BBS12: variants seen among roughly 807,000 people sequenced by gnomAD.
The protein encoded by BBS12 is chaperonin-containing T-complex member BBS12.
In BBS12, 5 loss-of-function variants were observed where a neutral mutation model predicts 5.6. The observed-to-expected ratio is 0.89, with a 90% CI of 0.46 to 1.86. The LOEUF (loss-of-function observed/expected upper bound fraction) is 1.86. Ranked by LOEUF, BBS12 falls within the 40% of genes most tolerant of loss-of-function variation. The pLI, the probability that BBS12 is intolerant of heterozygous loss-of-function variation, is 0.01. For synonymous variants in BBS12, 308 were observed against 306.8 expected (o/e 1.00, Z -0.04); for missense variants, 748 against 830.4 (o/e 0.90, Z 1.22).
the BBS12 span, among the ~76,000 whole-genome samples, chr4:122,702,932 A>G: frequency 5.3e-5 from 8 of 152,262 alleles, no homozygotes; most frequent in African/African-American, 1.9e-4. Flanking sequence ...TAGGAGAATT[A>G]GAATGTTTTA....
At position 122,742,337 on chromosome 4, in the gene BBS12, C is replaced by T. The variant is rs1194574169; in HGVS notation, c.445C>T (p.Gln149Ter). Residue 149 changes from glutamine to a stop codon, truncating the protein, a stop_gained, in exon 2 of 2, where the codon CAA becomes TAA. Coordinates refer to ENST00000314218, the MANE Select transcript of BBS12 (RefSeq NM_152618.3). LOFTEE classifies it low-confidence loss of function (END_TRUNC). Reference sequence around the variant, plus strand: ...TATGGACAGCACAAAAACATTTTCTCAACTTGAAACATTTAGTGTAAGTTT... The same window carrying T: ...TATGGACAGCACAAAAACATTTTCTTAACTTGAAACATTTAGTGTAAGTTT... ...DCMDSTKTFSQLETFSVSLCP... is the reference protein window; with the variant it reads ...DCMDSTKTFS The T allele has an allele frequency of 5.0e-6, 8 of 1,613,990 alleles. No homozygotes were observed. The highest frequency in any genetic ancestry group is 1.3e-5 in the African/African-American group (1 of 74,932).
the BBS12 span, among the ~76,000 whole-genome samples, chr4:122,704,152 G>A: frequency 6.6e-6 from 1 of 152,200 alleles, no homozygotes; most frequent in Non-Finnish European, 1.5e-5. Context: ...GCCTGGCCAG[G>A]TCTTGAATCT....
chr4:122,742,831 A>G lies in BBS12; in HGVS notation c.939A>G (p.Ser313=). The stretch of plus-strand genomic sequence containing the variant: ...CAAAACCATTTATGTTTGACATTTC[A>G]AGAATTTTCACTTGCTGTCTACCAG... The part of the protein sequence containing the change: ...NCTKPFMFDI[S]RIFTCCLPGL... The change falls in exon 2 of 2, where the codon TCA becomes TCG. Residue 313 remains serine, a synonymous_variant. Coordinates refer to ENST00000314218, the MANE Select transcript of BBS12 (RefSeq NM_152618.3). The G allele has an allele frequency of 6.2e-7, 1 of 1,614,212 alleles. No homozygotes were observed. The highest frequency in any genetic ancestry group is 1.6e-4 in the Middle Eastern group (1 of 6,062).
chr4:122,740,892 A>G (rs924541403), intron 1 of BBS12, among the ~76,000 whole-genome samples: 3 of 152,210 alleles, frequency 2.0e-5, no homozygotes, highest in African/African-American at 7.2e-5. Flanking sequence ...TTCTATTATT[A>G]TCCCTGTTTT....
chr4:122,709,238 G>A, the BBS12 span, among the ~76,000 whole-genome samples: 13,601 of 152,124 alleles, frequency 0.089, 1,629 homozygotes, highest in African/African-American at 0.27. Flanking sequence ...TTGCCTAACT[G>A]CTTACAGGGT....
chr4:122,735,133 G>A (rs886402270), intron 1 of BBS12, among the ~76,000 whole-genome samples: 23 of 152,186 alleles, frequency 1.5e-4, no homozygotes, highest in African/African-American at 5.3e-4. Context: ...TAGAAAGTGC[G>A]TTGGGAGCAC....
the BBS12 span, among the ~76,000 whole-genome samples, chr4:122,716,713 A>ACGCG: frequency 0.043 from 5,252 of 121,448 alleles, 797 homozygotes; most frequent in Non-Finnish European, 0.053. Context: ...ATACATACAC[A>ACGCG]TATGTGTGTA....
chr4:122,701,845 C>T, the BBS12 span, among the ~76,000 whole-genome samples: 2 of 152,182 alleles, frequency 1.3e-5, no homozygotes, highest in African/African-American at 2.4e-5. Flanking sequence ...AGTACCTCCA[C>T]ATTTTAAAAT....
upstream of BBS12, chr4:122,731,044 T>C (rs1800690394): frequency 6.6e-6 from 1 of 152,230 alleles, no homozygotes; most frequent in African/African-American, 2.4e-5. Context: ...AAAGCAGCAA[T>C]GTGCCAAGTA....
the BBS12 span, among the ~76,000 whole-genome samples, chr4:122,716,703 A>G: frequency 1.8e-5 from 1 of 55,578 alleles, no homozygotes; most frequent in Non-Finnish European, 3.2e-5. Flanking sequence ...ATGTGTGTGT[A>G]TACATACACA....
chr4:122,707,968 CCTTCCTTT>C, the BBS12 span, among the ~76,000 whole-genome samples: 598 of 149,652 alleles, frequency 4.0e-3, 2 homozygotes, highest in African/African-American at 0.013. Flanking sequence ...TTCCTTCCTT[CCTTCCTTT>C]CTTTCTTTCT....
chr4:122,700,446 C>T, the BBS12 span, among the ~76,000 whole-genome samples: 1 of 152,224 alleles, frequency 6.6e-6, no homozygotes, highest in Non-Finnish European at 1.5e-5. Context: ...TTCAGAGTCC[C>T]TTTCCTGCGT....
chr4:122,714,144 A>G, the BBS12 span, among the ~76,000 whole-genome samples: 2 of 152,080 alleles, frequency 1.3e-5, no homozygotes, highest in Admixed American at 6.6e-5. Flanking sequence ...ATTCAATAGC[A>G]CTGTGTCTTT....
the BBS12 span, among the ~76,000 whole-genome samples, chr4:122,701,549 T>G: frequency 6.6e-6 from 1 of 152,154 alleles, no homozygotes; most frequent in Non-Finnish European, 1.5e-5. Flanking sequence ...ACATGGAGGA[T>G]GAGGTGGTGA....
At chr4:122,732,474 C>T (rs1213116966), upstream of BBS12, 1 of 152,490 alleles carries the variant, frequency 6.6e-6, no homozygotes, top group Non-Finnish European at 1.5e-5. Context: ...CGTCACCTCC[C>T]GCAGCCCCGC....
chr4:122,717,579 G>A, the BBS12 span, among the ~76,000 whole-genome samples: 2 of 152,146 alleles, frequency 1.3e-5, no homozygotes, highest in Admixed American at 1.3e-4. Context: ...GCCCAGGCTG[G>A]AGCGCAGTGG....
rs778171614 is a variant in BBS12, at chr4:122,742,103, A to T, written c.211A>T (p.Asn71Tyr). Residue 71 changes from asparagine to tyrosine, a missense_variant, in exon 2 of 2, where the codon AAT (asparagine) becomes TAT (tyrosine). Coordinates refer to ENST00000314218, the MANE Select transcript of BBS12 (RefSeq NM_152618.3). The stretch of plus-strand genomic sequence containing the variant: ...AACCAGTGCAGTGGGACAACTTCTC[A>T]ATGAAGCAGTTCAAGCACAAAACAA... ...DLTSAVGQLL[N>Y]EAVQAQNNTY... 6.2e-7 allele frequency: 1 copy of T among 1,614,024 alleles called. No homozygotes were observed. Among genetic ancestry groups the T allele is most frequent in the Non-Finnish European group, 8.5e-7 (1 of 1,179,996 alleles).
At chr4:122,734,885 T>G (rs751552941) in intron 1 of BBS12, among the ~76,000 whole-genome samples, 1 of 152,216 alleles carries the variant, frequency 6.6e-6, no homozygotes, top group Non-Finnish European at 1.5e-5. Context: ...AGAACATTAA[T>G]CATCATCATT....
chr4:122,739,196 A>C (rs558478431), intron 1 of BBS12, among the ~76,000 whole-genome samples: 1 of 152,346 alleles, frequency 6.6e-6, no homozygotes, highest in African/African-American at 2.4e-5. Context: ...TAGACTCCAG[A>C]ACTGTGAAAG....
Sources: allele counts gnomAD v4.1 joint callset (sites outside exome capture counted in the v4.1 genomes callset), GRCh38; gene constraint gnomAD v4.1.1; transcripts MANE v1.5; gene names NCBI Gene and HGNC (gene_info 2026-07-23, HGNC 2026-07-21).